The following KCNAB1 variants were observed in gnomAD, a reference collection of about 807,000 sequenced individuals.
KCNAB1 encodes potassium voltage-gated channel subfamily A regulatory beta subunit 1, also known as voltage-gated potassium channel subunit beta-1.
In KCNAB1, 35 loss-of-function variants were observed where a neutral mutation model predicts 64.6. That is an observed-to-expected ratio of 0.54 (90% CI 0.41 to 0.72). The LOEUF (loss-of-function observed/expected upper bound fraction) is 0.72, where lower values mean the gene tolerates loss of function less well. Ranked by LOEUF, KCNAB1 falls within the 30% of genes least tolerant of loss-of-function variation. The probability of loss-of-function intolerance (pLI) is 0.00; values close to 1 mark genes in which losing one functional copy is unlikely to be tolerated. For synonymous variants in KCNAB1, 177 were observed against 183.8 expected (o/e 0.96, Z 0.30); for missense variants, 401 against 512.9 (o/e 0.78, Z 2.11).
At chr3:156,197,821 T>A (rs993489727) in intron 1 of KCNAB1, among the ~76,000 whole-genome samples, 3 of 152,208 alleles carry the variant, frequency 2.0e-5, no homozygotes, top group Non-Finnish European at 4.4e-5. Flanking sequence ...TAGTTATTTC[T>A]TGTCTTCTGC....
intron 1 of KCNAB1, among the ~76,000 whole-genome samples, chr3:156,256,016 A>G (rs1718079450): frequency 6.6e-6 from 1 of 152,264 alleles, no homozygotes; most frequent in South Asian, 2.1e-4. Context: ...TATATGCTTA[A>G]TAAATGGAAG....
rs558663951 is a variant in KCNAB1, at chr3:156,351,211, C to T, written c.276-70405C>T. ...GGTTGGCCACACTGAGTGTGTCTCA[C>T]GCTGAATCCATCAGGGCAGGTAAGC... is the stretch of plus-strand genomic sequence containing the variant. On this transcript the variant is annotated intron_variant, in intron 1 of 13. Coordinates refer to ENST00000490337, the MANE Select transcript of KCNAB1 (RefSeq NM_172160.3). 1.4e-3 allele frequency among the ~76,000 whole-genome samples: 208 copies of T among 152,374 alleles called. 1 individual carries two copies. The highest frequency in any genetic ancestry group is 4.8e-3 in the African/African-American group (198 of 41,594).
intron 1 of KCNAB1, among the ~76,000 whole-genome samples, chr3:156,249,596 A>T (rs752715704): frequency 6.6e-6 from 1 of 152,088 alleles, no homozygotes; most frequent in South Asian, 2.1e-4. Context: ...AAAAGAAAAA[A>T]AAGTAAATGC....
At chr3:156,456,707 G>A (rs12054064) in intron 3 of KCNAB1, among the ~76,000 whole-genome samples, 6,128 of 152,184 alleles carry the variant, frequency 0.04, 225 homozygotes, top group African/African-American at 0.092. Flanking sequence ...TAAGTCAATC[G>A]GCAAAATGAA....
chr3:156,490,202 A>C (rs1309793885), intron 8 of KCNAB1, among the ~76,000 whole-genome samples: 1 of 152,114 alleles, frequency 6.6e-6, no homozygotes, highest in Non-Finnish European at 1.5e-5. Flanking sequence ...CAGAAGACAG[A>C]GTATCTCCTA....
intron 1 of KCNAB1, among the ~76,000 whole-genome samples, chr3:156,273,137 A>T (rs1007009681): frequency 7.2e-5 from 11 of 152,220 alleles, no homozygotes; most frequent in South Asian, 4.2e-4. Flanking sequence ...TGAAAAAAAA[A>T]AAAACGGGTC....
intron 1 of KCNAB1, among the ~76,000 whole-genome samples, chr3:156,142,451 G>T (rs1029143895): frequency 1.3e-5 from 2 of 152,108 alleles, no homozygotes; most frequent in Non-Finnish European, 2.9e-5. Flanking sequence ...TAGGTCAATG[G>T]TTCATTTATT....
chr3:156,243,339 C>T (rs181421640), intron 1 of KCNAB1, among the ~76,000 whole-genome samples: 1 of 152,348 alleles, frequency 6.6e-6, no homozygotes, highest in East Asian at 1.9e-4. Context: ...ATTCTCCTGC[C>T]TCAGCCTCCT....
intron 1 of KCNAB1, among the ~76,000 whole-genome samples, chr3:156,329,627 A>G (rs971066113): frequency 1.3e-5 from 2 of 152,140 alleles, no homozygotes; most frequent in African/African-American, 2.4e-5. Context: ...GAGGACAGCT[A>G]AACTCTCTCA....
intron 12 of KCNAB1, among the ~76,000 whole-genome samples, chr3:156,528,703 A>C (rs1273501636): frequency 6.6e-6 from 1 of 152,156 alleles, no homozygotes; most frequent in Non-Finnish European, 1.5e-5. Context: ...GTGCCCCAGA[A>C]TGAAGGGAGA....
intron 1 of KCNAB1, among the ~76,000 whole-genome samples, chr3:156,165,041 G>A (rs942835513): frequency 2.0e-5 from 3 of 152,078 alleles, no homozygotes; most frequent in Admixed American, 2.0e-4. Flanking sequence ...CACTTTGGGA[G>A]GCCGAGGCGG....
intron 1 of KCNAB1, chr3:156,143,351 A>G (rs760851715): frequency 1.2e-6 from 2 of 1,611,602 alleles, no homozygotes; most frequent in Middle Eastern, 1.7e-4. Context: ...AAATATGTGG[A>G]AAAGTTTCTA....
chr3:156,273,344 C>T (rs73014127), intron 1 of KCNAB1, among the ~76,000 whole-genome samples: 1,821 of 152,292 alleles, frequency 0.012, 59 homozygotes, highest in African/African-American at 0.042. Context: ...ATTTAGATCC[C>T]ATAGCACTTT....
intron 1 of KCNAB1, among the ~76,000 whole-genome samples, chr3:156,420,666 TAC>T (rs1715407035): frequency 6.6e-6 from 1 of 152,226 alleles, no homozygotes. Flanking sequence ...TCTACAATGT[TAC>T]AGTTATTTCA....
chr3:156,409,973 C>A (rs1714526816), intron 1 of KCNAB1, among the ~76,000 whole-genome samples: 1 of 152,198 alleles, frequency 6.6e-6, no homozygotes. Context: ...ACTTCAAAGT[C>A]ATTTACTAGC....
chr3:156,261,062 A>G (rs562246557), intron 1 of KCNAB1, among the ~76,000 whole-genome samples: 7 of 152,156 alleles, frequency 4.6e-5, no homozygotes, highest in African/African-American at 1.7e-4. Flanking sequence ...ATGTCTACTA[A>G]AATCTTTCAT....
chr3:156,366,560 C>T (rs530729995), intron 1 of KCNAB1, among the ~76,000 whole-genome samples: 23 of 152,284 alleles, frequency 1.5e-4, no homozygotes, highest in Admixed American at 3.3e-4. Flanking sequence ...GTAGCCATAG[C>T]GTGGAGCTCC....
At chr3:156,133,593 G>A (rs952417943) in intron 1 of KCNAB1, among the ~76,000 whole-genome samples, 1 of 152,202 alleles carries the variant, frequency 6.6e-6, no homozygotes, top group Non-Finnish European at 1.5e-5. Flanking sequence ...TGCAGAGTCA[G>A]GGCTTCTTGC....
At chr3:156,129,401 G>A (rs1471219002) in intron 1 of KCNAB1, among the ~76,000 whole-genome samples, 1 of 152,074 alleles carries the variant, frequency 6.6e-6, no homozygotes, top group Admixed American at 6.5e-5. Flanking sequence ...AAAGTTTCAC[G>A]TTTACTTTTC....
Sources: gnomAD v4.1 joint callset for allele counts (sites outside exome capture counted in the v4.1 genomes callset) on GRCh38, gnomAD v4.1.1 for gene constraint, MANE v1.5 for transcripts, NCBI Gene and HGNC (gene_info 2026-07-23, HGNC 2026-07-21) for gene names.